The following SLC44A3 variants were observed in gnomAD, a reference collection of about 807,000 sequenced individuals.
SLC44A3 encodes the protein solute carrier family 44 member 3.
Under a neutral mutation model 75.4 loss-of-function variants are expected in SLC44A3, and 74 were observed. The observed-to-expected ratio is 0.98, with a 90% CI of 0.81 to 1.19. The LOEUF is 1.19. SLC44A3 is among the 50% of genes most tolerant of loss of function. SLC44A3 has a pLI of 0.00. For missense variants in SLC44A3, 700 were observed against 778.6 expected, an observed-to-expected ratio of 0.90 and a Z score of 1.20; for synonymous variants, 310 against 296.9, an observed-to-expected ratio of 1.04 and a Z score of -0.45.
intron 6 of SLC44A3, among the ~76,000 whole-genome samples, chr1:94,839,385 C>T (rs376814545): frequency 4.7e-4 from 71 of 151,252 alleles, no homozygotes; most frequent in African/African-American, 1.6e-3. Context: ...AATTTTTTTT[C>T]TTTCTTTCTT....
chr1:94,849,052 C>A (rs530801268), intron 9 of SLC44A3, among the ~76,000 whole-genome samples: 7 of 144,664 alleles, frequency 4.8e-5, no homozygotes, highest in African/African-American at 2.0e-4. Flanking sequence ...AGCCTGTGCC[C>A]CTTAACTGCC....
chr1:94,863,223 C>T (rs1037814890), intron 10 of SLC44A3, among the ~76,000 whole-genome samples: 1 of 152,144 alleles, frequency 6.6e-6, no homozygotes. Flanking sequence ...TTCTTCCAGC[C>T]AAGCCAGGCA....
At chr1:94,849,696 C>T (rs991865331) in intron 9 of SLC44A3, among the ~76,000 whole-genome samples, 5 of 152,186 alleles carry the variant, frequency 3.3e-5, no homozygotes, top group South Asian at 4.1e-4. Context: ...CTTCAGTTAG[C>T]GCCCAGTTTT....
chr1:94,884,310 G>A (rs913727967), intron 12 of SLC44A3, among the ~76,000 whole-genome samples: 11 of 152,172 alleles, frequency 7.2e-5, no homozygotes, highest in Admixed American at 2.0e-4. Context: ...GGCCCTGGAA[G>A]GCCCAGAGGC....
rs373671768 is a variant in SLC44A3 at position 94,825,411 on chromosome 1, A to T, written c.278+776A>T. ...AGTGGGGAGATCTCAGCTCACTGCAAGCTCTGCCTCCCGGGTTCAAGAGAT... is the reference window on the plus strand; with the variant it reads ...AGTGGGGAGATCTCAGCTCACTGCATGCTCTGCCTCCCGGGTTCAAGAGAT... On this transcript the variant is annotated intron_variant, in intron 3 of 14. Coordinates refer to ENST00000271227, the MANE Select transcript of SLC44A3 (RefSeq NM_001114106.3). Among the ~76,000 whole-genome samples, 15 of 152,252 alleles carry T rather than the reference A, an allele frequency of 9.9e-5. 1 individual carries two copies. Among genetic ancestry groups the T allele is most frequent in the African/African-American group, 3.6e-4 (15 of 41,538 alleles).
At chr1:94,860,529 C>G (rs532531992) in intron 10 of SLC44A3, among the ~76,000 whole-genome samples, 2 of 151,974 alleles carry the variant, frequency 1.3e-5, no homozygotes, top group Non-Finnish European at 2.9e-5. Context: ...AGAAGCTTCC[C>G]GAGGGAAAAA....
intron 8 of SLC44A3, among the ~76,000 whole-genome samples, chr1:94,845,063 G>A (rs972120388): frequency 3.9e-5 from 6 of 152,000 alleles, no homozygotes; most frequent in Admixed American, 2.0e-4. Context: ...TGTCTTCTTC[G>A]CTATTATGTC....
At chr1:94,875,750 T>G (rs535615484) in intron 12 of SLC44A3, among the ~76,000 whole-genome samples, 1 of 152,292 alleles carries the variant, frequency 6.6e-6, no homozygotes, top group Non-Finnish European at 1.5e-5. Context: ...CAACACTAGT[T>G]GAAAAGGTCA....
At chr1:94,888,036 G>A (rs1263520422) in intron 12 of SLC44A3, among the ~76,000 whole-genome samples, 4 of 152,164 alleles carry the variant, frequency 2.6e-5, no homozygotes, top group Non-Finnish European at 2.9e-5. Context: ...GCTTTACAGG[G>A]AGTAGGTTCT....
intron 7 of SLC44A3, among the ~76,000 whole-genome samples, chr1:94,840,356 C>T (rs998330738): frequency 1.0e-4 from 13 of 128,904 alleles, no homozygotes; most frequent in Non-Finnish European, 1.7e-4. Context: ...ATGGCGCGAA[C>T]GCAGCTCACT....
chr1:94,845,147 T>G, intron 8 of SLC44A3, 131 bp from the exon 9 acceptor site: 1 of 965,112 alleles, frequency 1.0e-6, no homozygotes, highest in Non-Finnish European at 1.5e-6. Context: ...TGTAAAATTA[T>G]AACAAAGTAG....
At chr1:94,821,206 C>A in intron 2 of SLC44A3, 150 bp downstream of exon 2, 1 of 666,126 alleles carries the variant, frequency 1.5e-6, no homozygotes, top group Non-Finnish European at 2.5e-6. Context: ...CGGGAGAATT[C>A]TTGTCCTAGA....
At chr1:94,873,424 C>A (rs1228808805) in intron 12 of SLC44A3, among the ~76,000 whole-genome samples, 1 of 152,128 alleles carries the variant, frequency 6.6e-6, no homozygotes, top group Non-Finnish European at 1.5e-5. Context: ...TCAGAAAGGT[C>A]CCAGATAATC....
intron 12 of SLC44A3, among the ~76,000 whole-genome samples, chr1:94,881,856 C>A (rs1372500613): frequency 1.5e-4 from 21 of 138,942 alleles, no homozygotes; most frequent in Admixed American, 2.2e-4. Flanking sequence ...ACTAAAAATA[C>A]AAAAAAAAAA....
At chr1:94,827,999 T>A (rs1394784815) in intron 4 of SLC44A3, among the ~76,000 whole-genome samples, 1 of 152,106 alleles carries the variant, frequency 6.6e-6, no homozygotes, top group Non-Finnish European at 1.5e-5. Flanking sequence ...GTCCTAGAGA[T>A]GTACGTGCAG....
At chr1:94,840,345 A>G (rs1244851363) in intron 7 of SLC44A3, among the ~76,000 whole-genome samples, 1 of 127,932 alleles carries the variant, frequency 7.8e-6, no homozygotes, top group Non-Finnish European at 1.5e-5. Context: ...GCTGGAGTGC[A>G]ATGGCGCGAA....
At chr1:94,862,412 T>G (rs1399746559) in intron 10 of SLC44A3, among the ~76,000 whole-genome samples, 2 of 152,222 alleles carry the variant, frequency 1.3e-5, no homozygotes, top group Non-Finnish European at 2.9e-5. Flanking sequence ...CCTGGCTGTA[T>G]GCACTCTGTT....
chr1:94,864,687 C>T, intron 10 of SLC44A3, 56 bp from the exon 11 acceptor site: 1 of 1,558,260 alleles, frequency 6.4e-7, no homozygotes, highest in Non-Finnish European at 8.7e-7. Context: ...AACCAGAGAG[C>T]TTTTGCTGCT....
At position 94,876,805 on chromosome 1, in the gene SLC44A3, C is replaced by T. The variant is rs560403768; in HGVS notation, c.1482+9388C>T. Among the ~76,000 whole-genome samples the T allele has an allele frequency of 1.6e-3, 242 of 152,282 alleles. 1 individual carries two copies. Among genetic ancestry groups the T allele is most frequent in the African/African-American group, 5.4e-3 (226 of 41,572 alleles). ...AACTTTGAGTTCTCATGCCACTGGA[C>T]GGGTGGAAAATTTAATTTGTTATTC... On this transcript the variant is annotated intron_variant, in intron 12 of 14. Coordinates refer to ENST00000271227, the MANE Select transcript of SLC44A3 (RefSeq NM_001114106.3).
Sources: gnomAD v4.1 joint callset for allele counts (sites outside exome capture counted in the v4.1 genomes callset) on GRCh38, gnomAD v4.1.1 for gene constraint, MANE v1.5 for transcripts, NCBI Gene and HGNC (gene_info 2026-07-23, HGNC 2026-07-21) for gene names.